Variants in SFXN5 observed in about 807,000 individuals in gnomAD.
The protein encoded by SFXN5 is sideroflexin-5.
SFXN5 carries 43 observed loss-of-function variants against 50.2 expected under a neutral mutation model. The observed-to-expected ratio is 0.86, with a 90% confidence interval of 0.67 to 1.11. The LOEUF (loss-of-function observed/expected upper bound fraction) is 1.11. SFXN5 is among the 50% of genes least tolerant of loss of function. The pLI is 0.00. For synonymous variants in SFXN5, 203 were observed against 185.8 expected (o/e 1.09, Z -0.75); for missense variants, 463 against 454.1 (o/e 1.02, Z -0.18).
chr2:73,018,544 G>A (rs966763706), intron 6 of SFXN5, among the ~76,000 whole-genome samples: 7 of 152,212 alleles, frequency 4.6e-5, no homozygotes, highest in Admixed American at 2.0e-4. Context: ...AGGGAAACTC[G>A]AGAGGATGCC....
At chr2:73,033,125 C>A (rs564701796) in intron 3 of SFXN5, among the ~76,000 whole-genome samples, 3 of 152,184 alleles carry the variant, frequency 2.0e-5, no homozygotes, top group Non-Finnish European at 2.9e-5. Context: ...TCTTTCTGAG[C>A]CTCCTCTTCC....
In SFXN5 at chr2:72,961,291, G is replaced by T; in HGVS notation, c.828-43C>A. ...GGGAGCCCCATGAGACCCGAAGGTG[G>T]GGTGGGCTGGCTGCCAGCCACCATG... On this transcript the variant is annotated intron_variant, in intron 12 of 13. Transcript: ENST00000272433. The surrounding 1 kb of genome is among the most constrained non-coding windows in gnomAD (Gnocchi z 4.4). 7.1e-7 allele frequency: 1 copy of T among 1,398,980 alleles called. No individual in the cohort carries two copies. The highest frequency in any genetic ancestry group is 9.5e-7 in the Non-Finnish European group (1 of 1,057,598). 86.7% of individuals were successfully genotyped at this position (1,398,980 alleles called of 1,614,324 possible).
intron 1 of SFXN5, chr2:73,059,348 G>A (rs1156777885): frequency 2.0e-6 from 2 of 985,308 alleles, no homozygotes; most frequent in Non-Finnish European, 2.4e-6. Flanking sequence ...GGGATGAAGG[G>A]GAAGCTGCAA....
chr2:72,951,720 T>C (rs1446568129), intron 13 of SFXN5, among the ~76,000 whole-genome samples: 1 of 12,916 alleles, frequency 7.7e-5, no homozygotes, highest in Non-Finnish European at 1.5e-4. Context: ...GGCATGGGGC[T>C]GGGGGGGTGG....
At chr2:73,022,251 G>C (rs1221040137) in intron 5 of SFXN5, among the ~76,000 whole-genome samples, 1 of 152,166 alleles carries the variant, frequency 6.6e-6, no homozygotes, top group Non-Finnish European at 1.5e-5. Context: ...ATGTGGAGTG[G>C]GTGGTGGTGG....
At position 73,012,649 on chromosome 2, in the gene SFXN5, A is replaced by AACACACACAC. The variant is rs57635824; in HGVS notation, c.357+7580_357+7589dup. On this transcript the variant is annotated intron_variant, in intron 6 of 13. Transcript: ENST00000272433. ...GTTCTAAAGGGTATTCTAGCCAAAC[A>AACACACACAC]ACACACACACACACACACACACACA... is the stretch of plus-strand genomic sequence containing the variant. 6.6e-4 allele frequency among the ~76,000 whole-genome samples: 83 copies of AACACACACAC among 125,914 alleles called. 1 individual carries two copies. The highest frequency in any genetic ancestry group is 1.7e-3 in the African/African-American group (56 of 33,934). 82.6% of individuals were successfully genotyped at this position (125,914 alleles called of 152,430 possible). A position where few individuals can be genotyped will look rare whatever the true frequency, so the allele number is the denominator to read the frequency against.
At chr2:72,980,760 TA>T (rs1393841459) in intron 10 of SFXN5, among the ~76,000 whole-genome samples, 2 of 152,180 alleles carry the variant, frequency 1.3e-5, no homozygotes, top group Non-Finnish European at 2.9e-5. Flanking sequence ...CAACCAAAGA[TA>T]AAGCTCAAAC....
At chr2:72,989,371 C>T (rs926039852) in intron 9 of SFXN5, among the ~76,000 whole-genome samples, 2 of 152,200 alleles carry the variant, frequency 1.3e-5, no homozygotes, top group Non-Finnish European at 2.9e-5. Flanking sequence ...CTTTCTCTGT[C>T]TCAGTTTACC....
At chr2:72,962,442 A>G (rs1673857564) in intron 12 of SFXN5, among the ~76,000 whole-genome samples, 1 of 152,242 alleles carries the variant, frequency 6.6e-6, no homozygotes. Context: ...AGTAGTTTTC[A>G]AAAGTTAAAG....
intron 13 of SFXN5, among the ~76,000 whole-genome samples, chr2:72,948,286 G>T (rs1263592541): frequency 6.6e-6 from 1 of 152,186 alleles, no homozygotes; most frequent in Non-Finnish European, 1.5e-5. Context: ...CTGCACTAAT[G>T]AAGGAGAAAT....
At chr2:73,071,465 G>T (rs985046389) in intron 1 of SFXN5, 139 bp downstream of exon 1, 5 of 716,758 alleles carry the variant, frequency 7.0e-6, no homozygotes, top group Non-Finnish European at 1.1e-5. Context: ...GACTGTGACC[G>T]AGGTTCCCCC....
In SFXN5 at chr2:72,988,243, G is replaced by C. The variant is rs202189554; in HGVS notation, c.625+15C>G. 2 of 1,611,670 alleles carry C rather than the reference G, an allele frequency of 1.2e-6. No individual in the cohort carries two copies. The highest frequency in any genetic ancestry group is 2.2e-5 in the East Asian group (1 of 44,868). ...CCCACCCACAGCACACATCTATGTG[G>C]TGTGCAGGTCTTACCTACAGCAGGG... On this transcript the variant is annotated intron_variant, in intron 10 of 13. Coordinates refer to ENST00000272433, the MANE Select transcript of SFXN5 (RefSeq NM_144579.3).
intron 1 of SFXN5, among the ~76,000 whole-genome samples, chr2:73,068,543 T>C (rs1386065166): frequency 1.3e-5 from 2 of 152,142 alleles, no homozygotes; most frequent in African/African-American, 2.4e-5. Context: ...TGGAGAAAAG[T>C]TGGTCCACCT....
intron 2 of SFXN5, among the ~76,000 whole-genome samples, chr2:73,052,875 C>T (rs1681559972): frequency 6.6e-6 from 1 of 152,118 alleles, no homozygotes; most frequent in Admixed American, 6.6e-5. Context: ...AGACTCATAG[C>T]CCTTCAAGAT....
intron 9 of SFXN5, among the ~76,000 whole-genome samples, chr2:72,995,491 G>A (rs774729509): frequency 1.1e-4 from 16 of 152,122 alleles, no homozygotes; most frequent in Non-Finnish European, 1.6e-4. Flanking sequence ...GCCAAGGTCA[G>A]GGCTCCTCTG....
chr2:73,031,282 G>A (rs780676117), intron 3 of SFXN5, among the ~76,000 whole-genome samples: 27 of 152,312 alleles, frequency 1.8e-4, no homozygotes, highest in Middle Eastern at 3.4e-3. Flanking sequence ...CCCCCTCCAT[G>A]CTTTCTGTCC....
intron 6 of SFXN5, among the ~76,000 whole-genome samples, chr2:73,019,114 A>T (rs999569493): frequency 2.0e-5 from 3 of 152,274 alleles, no homozygotes; most frequent in Non-Finnish European, 4.4e-5. Flanking sequence ...AGAAAAGAAC[A>T]AACGAATGTT....
At chr2:73,011,248 T>C (rs1399354866) in intron 6 of SFXN5, among the ~76,000 whole-genome samples, 4 of 152,062 alleles carry the variant, frequency 2.6e-5, no homozygotes, top group African/African-American at 9.7e-5. Flanking sequence ...AGAGATGGGA[T>C]CTCCCTATGT....
chr2:73,028,882 G>A (rs910994548), intron 3 of SFXN5, among the ~76,000 whole-genome samples: 1 of 152,058 alleles, frequency 6.6e-6, no homozygotes, highest in African/African-American at 2.4e-5. Flanking sequence ...AAAGAGGGAG[G>A]GGACAAACCC....
Sources: allele counts gnomAD v4.1 joint callset (sites outside exome capture counted in the v4.1 genomes callset), GRCh38; gene constraint gnomAD v4.1.1; non-coding constraint Gnocchi (gnomAD v3.1); transcripts MANE v1.5; gene names NCBI Gene and HGNC (gene_info 2026-07-23, HGNC 2026-07-21).